Variants in NBAS observed in about 807,000 individuals in gnomAD.
NBAS encodes the protein NAG/BC035112 fusion.
NBAS carries 219 observed loss-of-function variants against 302.5 expected under a neutral mutation model. That is an observed-to-expected ratio of 0.72 (90% CI 0.65 to 0.81). NBAS has a LOEUF of 0.81. NBAS is among the 30% of genes least tolerant of loss of function. The pLI is 0.00. For synonymous variants in NBAS, 1,118 were observed against 1,021.6 expected, an observed-to-expected ratio of 1.09 and a Z score of -1.80; for missense variants, 2,932 against 2,841.6, an observed-to-expected ratio of 1.03 and a Z score of -0.72.
At chr2:14,836,510 A>G in the NBAS span, among the ~76,000 whole-genome samples, 1 of 151,880 alleles carries the variant, frequency 6.6e-6, no homozygotes, top group Non-Finnish European at 1.5e-5. Context: ...TGGATATCCA[A>G]TCGTTGCAGC....
At chr2:15,266,107 G>C (rs115158842) in intron 44 of NBAS, among the ~76,000 whole-genome samples, 1 of 152,150 alleles carries the variant, frequency 6.6e-6, no homozygotes, top group Non-Finnish European at 1.5e-5. Flanking sequence ...GGTTTTAGAA[G>C]GGGCTTCCCC....
chr2:14,798,551 T>C, the NBAS span, among the ~76,000 whole-genome samples: 6 of 152,174 alleles, frequency 3.9e-5, no homozygotes, highest in African/African-American at 1.2e-4. Context: ...TTTTTAGTAA[T>C]AACTTTCTAT....
At chr2:14,898,353 C>T in the NBAS span, among the ~76,000 whole-genome samples, 6 of 152,252 alleles carry the variant, frequency 3.9e-5, no homozygotes, top group East Asian at 1.2e-3. Context: ...AAATCAATTT[C>T]CCATGGCTAG....
At chr2:14,796,919 CA>C in the NBAS span, among the ~76,000 whole-genome samples, 6,697 of 86,428 alleles carry the variant, frequency 0.077, 166 homozygotes, top group East Asian at 0.1. Flanking sequence ...CTAAAAAATA[CA>C]AAAAAAAAAA....
chr2:15,327,940 A>C, intron 37 of NBAS, 70 bp from the exon 38 acceptor site: 1 of 1,582,118 alleles, frequency 6.3e-7, no homozygotes. Context: ...CTTAGAAAAC[A>C]ATTATAGGAT....
the NBAS span, among the ~76,000 whole-genome samples, chr2:14,807,641 T>G: frequency 5.9e-5 from 9 of 152,310 alleles, no homozygotes; most frequent in Non-Finnish European, 1.0e-4. Context: ...CTTATCTATT[T>G]TAAAACATGT....
At chr2:15,420,485 TC>T (rs1240054133) in intron 23 of NBAS, among the ~76,000 whole-genome samples, 1 of 152,152 alleles carries the variant, frequency 6.6e-6, no homozygotes, top group African/African-American at 2.4e-5. Flanking sequence ...AGAATATGGT[TC>T]TTTTTTTTAT....
chr2:15,243,948 A>G (rs1667974384), intron 44 of NBAS, among the ~76,000 whole-genome samples: 1 of 152,228 alleles, frequency 6.6e-6, no homozygotes, highest in Non-Finnish European at 1.5e-5. Context: ...CAGGGAAGAG[A>G]TAAAACAAGG....
At chr2:15,322,871 G>T (rs1002709391) in intron 38 of NBAS, among the ~76,000 whole-genome samples, 2 of 152,056 alleles carry the variant, frequency 1.3e-5, no homozygotes, top group Non-Finnish European at 2.9e-5. Context: ...AAATGTGATA[G>T]GGAATAGGAA....
intron 44 of NBAS, among the ~76,000 whole-genome samples, chr2:15,240,314 G>A (rs1179901973): frequency 6.6e-6 from 1 of 151,890 alleles, no homozygotes; most frequent in Non-Finnish European, 1.5e-5. Context: ...ACTCAACAGA[G>A]TTATGACTTT....
the NBAS span, among the ~76,000 whole-genome samples, chr2:14,869,644 CCTT>C: frequency 7.9e-5 from 12 of 152,132 alleles, no homozygotes; most frequent in Non-Finnish European, 4.4e-5. Context: ...CAGCACTCCT[CCTT>C]GTCTGGGTGG....
the NBAS span, among the ~76,000 whole-genome samples, chr2:14,878,859 T>A: frequency 6.6e-6 from 1 of 152,284 alleles, no homozygotes; most frequent in South Asian, 2.1e-4. Context: ...GTGTTGTACA[T>A]GCTATGGGTT....
chr2:14,805,250 G>A, the NBAS span, among the ~76,000 whole-genome samples: 1 of 152,138 alleles, frequency 6.6e-6, no homozygotes, highest in Non-Finnish European at 1.5e-5. Context: ...TAGTCCTTGG[G>A]GCATTTTGGA....
At chr2:14,787,747 C>G in the NBAS span, among the ~76,000 whole-genome samples, 2 of 152,116 alleles carry the variant, frequency 1.3e-5, no homozygotes, top group African/African-American at 4.8e-5. Context: ...CTCTGGCTGC[C>G]CTTAATATTT....
the NBAS span, among the ~76,000 whole-genome samples, chr2:14,856,924 C>G: frequency 6.6e-6 from 1 of 151,912 alleles, no homozygotes; most frequent in African/African-American, 2.4e-5. Flanking sequence ...TTTTGAAAAA[C>G]CTAAAGACTT....
chr2:15,129,109 G>A, the NBAS span, among the ~76,000 whole-genome samples: 1 of 152,244 alleles, frequency 6.6e-6, no homozygotes, highest in East Asian at 1.9e-4. Flanking sequence ...TCTGGCCTCA[G>A]TGCCATCAGC....
rs1361305568 is a variant in NBAS at position 15,404,136 on chromosome 2, T to TC, written c.2938-1836_2938-1835insG. ...AACAATCCTATAAAATTACTACTAG[T>TC]ACTATTCTCATTATACACAAATGAA... On this transcript the variant is annotated intron_variant, in intron 25 of 51. Transcript: ENST00000281513. Among the ~76,000 whole-genome samples, 4 of 152,234 alleles carry TC rather than the reference T, an allele frequency of 2.6e-5. No homozygotes were observed. In the East Asian group the frequency reaches 7.8e-4, roughly 30 times the overall value.
chr2:15,278,481 C>A (rs1410590357), intron 42 of NBAS, among the ~76,000 whole-genome samples: 1 of 152,120 alleles, frequency 6.6e-6, no homozygotes, highest in Non-Finnish European at 1.5e-5. Flanking sequence ...TGCTTGATGG[C>A]ACAGACCTTA....
At chr2:14,788,109 C>G in the NBAS span, among the ~76,000 whole-genome samples, 1 of 152,178 alleles carries the variant, frequency 6.6e-6, no homozygotes, top group Non-Finnish European at 1.5e-5. Context: ...TCCAGTTGAT[C>G]GCATCGGCTC....
Sources: allele counts gnomAD v4.1 joint callset (sites outside exome capture counted in the v4.1 genomes callset), GRCh38; gene constraint gnomAD v4.1.1; transcripts MANE v1.5; gene names NCBI Gene and HGNC (gene_info 2026-07-23, HGNC 2026-07-21).